Variants in PCLO observed in about 807,000 individuals in gnomAD.
The protein encoded by PCLO is protein piccolo.
Under a neutral mutation model 427.5 loss-of-function variants are expected in PCLO, and 82 were observed. The observed-to-expected ratio is 0.19, with a 90% CI of 0.16 to 0.23. The LOEUF is 0.23. PCLO is among the 10% of genes least tolerant of loss of function. The pLI, the probability that PCLO is intolerant of heterozygous loss-of-function variation, is 1.00. For synonymous variants in PCLO, 2,357 were observed against 2,155.4 expected, an observed-to-expected ratio of 1.09 and a Z score of -2.59; for missense variants, 6,239 against 6,115.9, an observed-to-expected ratio of 1.02 and a Z score of -0.67.
rs114859004 is a variant in PCLO, at chr7:82,883,062, C to T, written c.13529-3600G>A. On this transcript the variant is annotated intron_variant, in intron 9 of 24. Transcript: ENST00000333891. The stretch of plus-strand genomic sequence containing the variant: ...CTCATATCCTGTATCTAAGCATCAA[C>T]GGAAAGCAAAATTGGTATTAATGAA... 8.2e-3 allele frequency among the ~76,000 whole-genome samples: 1,241 copies of T among 151,966 alleles called. 21 individuals are homozygous for T. The highest frequency in any genetic ancestry group is 0.027 in the African/African-American group (1,122 of 41,468).
intron 9 of PCLO, 102 bp from the exon 10 acceptor site, chr7:82,879,564 T>G: frequency 1.3e-6 from 1 of 744,530 alleles, no homozygotes; most frequent in Non-Finnish European, 2.2e-6. Flanking sequence ...ATCCAGAAGC[T>G]AAATATAACA....
At chr7:83,065,070 A>G (rs1041721361) in intron 3 of PCLO, among the ~76,000 whole-genome samples, 30 of 151,548 alleles carry the variant, frequency 2.0e-4, no homozygotes, top group South Asian at 4.1e-4. Flanking sequence ...AAAAAAAAAA[A>G]AGAGAGACTA....
At chr7:82,894,775 G>C (rs879579336) in intron 9 of PCLO, among the ~76,000 whole-genome samples, 6 of 152,014 alleles carry the variant, frequency 3.9e-5, no homozygotes, top group Non-Finnish European at 5.9e-5. Context: ...TGGAGGGGAT[G>C]AAACAAGTGG....
chr7:82,766,433 A>G (rs984283019), intron 22 of PCLO, among the ~76,000 whole-genome samples: 2 of 152,250 alleles, frequency 1.3e-5, no homozygotes, highest in African/African-American at 2.4e-5. Context: ...AAATCTATCT[A>G]TCAGGCACCT....
At chr7:83,034,189 C>T (rs1347329255) in intron 3 of PCLO, among the ~76,000 whole-genome samples, 2 of 152,074 alleles carry the variant, frequency 1.3e-5, no homozygotes, top group African/African-American at 4.8e-5. Context: ...TAGACCCATG[C>T]TGTTTCCTTT....
At chr7:83,055,943 G>A (rs549971092) in intron 3 of PCLO, among the ~76,000 whole-genome samples, 1 of 152,048 alleles carries the variant, frequency 6.6e-6, no homozygotes, top group East Asian at 1.9e-4. Flanking sequence ...ATCTGCACAG[G>A]TAGAGATGTT....
intron 17 of PCLO, 32 bp from the exon 18 acceptor site, chr7:82,826,692 C>A (rs751540342): frequency 1.4e-6 from 2 of 1,379,716 alleles, no homozygotes; most frequent in South Asian, 2.6e-5. Context: ...CTAATTAAAC[C>A]TATCTTTCCA....
In PCLO at chr7:82,805,768, G is replaced by A. The variant is rs751109790; in HGVS notation, c.14853C>T (p.Ser4951=). The part of the protein sequence containing the change: ...SSVSTGSSGS[S]FGSGYSVDSE... ...TGTCCACGCTATACCCACTGCCAAA[G>A]CTGCTGCCCGAGGAGCCGGTGGACA... The change falls in exon 21 of 25, where the codon AGC becomes AGT. Residue 4951 remains serine, a synonymous_variant. Transcript: ENST00000333891. The A allele has an allele frequency of 1.9e-6, 3 of 1,611,406 alleles. No homozygotes were observed. The South Asian group carries it at 3.3e-5, about 18-fold the overall frequency.
intron 3 of PCLO, among the ~76,000 whole-genome samples, chr7:83,100,605 G>A (rs1790713276): frequency 6.6e-6 from 1 of 152,168 alleles, no homozygotes; most frequent in South Asian, 2.1e-4. Context: ...GCTAAAGGAT[G>A]AGAACACGTG....
At position 82,950,658 on chromosome 7, in the gene PCLO, T is replaced by C. The variant is rs764593563; in HGVS notation, c.9930A>G (p.Gln3310=). 5 of 1,613,684 alleles carry C rather than the reference T, an allele frequency of 3.1e-6. No individual in the cohort carries two copies. The highest frequency in any genetic ancestry group is 2.5e-6 in the Non-Finnish European group (3 of 1,179,820). The change falls in exon 6 of 25, where the codon CAA becomes CAG. Residue 3310 remains glutamine, a synonymous_variant. Transcript: ENST00000333891. ...QQQLHQQLEE[Q]KIRQIYQYNY... ...TATACTGGTAGATCTGCCGAATCTT[T>C]TGCTCCTCCAGCTGCTGGTGAAGCT...
chr7:83,033,643 T>C (rs1276273390), intron 3 of PCLO, among the ~76,000 whole-genome samples: 1 of 152,182 alleles, frequency 6.6e-6, no homozygotes, highest in Non-Finnish European at 1.5e-5. Flanking sequence ...TCAGCACATA[T>C]ATTACTTTGT....
intron 7 of PCLO, among the ~76,000 whole-genome samples, chr7:82,911,030 T>C (rs992594544): frequency 6.6e-6 from 1 of 152,128 alleles, no homozygotes; most frequent in Non-Finnish European, 1.5e-5. Context: ...CATTTGAATA[T>C]ATAACTTTCT....
At chr7:83,103,373 G>A (rs1201817616) in intron 3 of PCLO, among the ~76,000 whole-genome samples, 2 of 151,832 alleles carry the variant, frequency 1.3e-5, no homozygotes, top group Admixed American at 6.6e-5. Context: ...TTACAACAGT[G>A]GCCAGAATAT....
At chr7:82,836,196 C>A (rs1028391240) in intron 15 of PCLO, among the ~76,000 whole-genome samples, 5 of 152,018 alleles carry the variant, frequency 3.3e-5, no homozygotes, top group Non-Finnish European at 5.9e-5. Context: ...GATAGATACT[C>A]CCATATTGTG....
At chr7:82,810,920 T>C (rs2115568292) in intron 20 of PCLO, among the ~76,000 whole-genome samples, 1 of 151,816 alleles carries the variant, frequency 6.6e-6, no homozygotes, top group East Asian at 1.9e-4. Flanking sequence ...TCACATCCAG[T>C]TATCTGAAAT....
At chr7:83,014,469 T>A (rs1788159108) in intron 3 of PCLO, among the ~76,000 whole-genome samples, 1 of 152,088 alleles carries the variant, frequency 6.6e-6, no homozygotes, top group East Asian at 1.9e-4. Context: ...CAATGCATAA[T>A]GGATCAAAGA....
At chr7:82,961,482 G>A in intron 4 of PCLO, among the ~76,000 whole-genome samples, 1 of 152,152 alleles carries the variant, frequency 6.6e-6, no homozygotes, top group East Asian at 1.9e-4. Flanking sequence ...GGCTGAGAAA[G>A]CCAACTAAGC....
In PCLO at chr7:82,899,923, A is replaced by T. The variant is rs1320687761; in HGVS notation, c.13528+2728T>A. The stretch of plus-strand genomic sequence containing the variant: ...ATGATTTAGGAAAAAAATGATTTGA[A>T]GATTTCCATTATACATCATGAAAAA... On this transcript the variant is annotated intron_variant, in intron 9 of 24. Coordinates refer to ENST00000333891, the MANE Select transcript of PCLO (RefSeq NM_033026.6). Among the ~76,000 whole-genome samples the T allele has an allele frequency of 3.3e-5, 5 of 151,618 alleles. No individual in the cohort carries two copies. The South Asian group carries it at 6.2e-4, about 19-fold the overall frequency.
chr7:82,950,272 T>G lies in PCLO; in HGVS notation c.10316A>C (p.Lys3439Thr). The G allele has an allele frequency of 6.2e-7, 1 of 1,613,482 alleles. No homozygotes were observed. The highest frequency in any genetic ancestry group is 1.6e-4 in the Middle Eastern group (1 of 6,062). The change falls in exon 6 of 25, where the codon AAG becomes ACG. Residue 3439 changes from lysine to threonine, a missense_variant. Physicochemically the swap from Lys to Thr is moderately conservative, Grantham distance 78. Coordinates refer to ENST00000333891, the MANE Select transcript of PCLO (RefSeq NM_033026.6). ...CGTTTGTACACCACTGTCCACTATC[T>G]TTTTAAAACTTCGGGGATCATCTGT... ...NMTDDPRSFK[K>T]IVDSGVQTDD... is the part of the protein sequence containing the mutation.
Sources: gnomAD v4.1 joint callset for allele counts (sites outside exome capture counted in the v4.1 genomes callset) on GRCh38, gnomAD v4.1.1 for gene constraint, MANE v1.5 for transcripts, NCBI Gene and HGNC (gene_info 2026-07-23, HGNC 2026-07-21) for gene names.